The following RYR1 variants were observed in gnomAD, a reference collection of about 807,000 sequenced individuals.
The protein encoded by RYR1 is central core disease of muscle.
A neutral mutation model predicts 583.5 loss-of-function variants in RYR1; 342 were observed. That is an observed-to-expected ratio of 0.59 (90% CI 0.54 to 0.64). RYR1 has a LOEUF of 0.64. RYR1 is among the 30% of genes least tolerant of loss of function. The pLI is 0.00. For missense variants in RYR1, 6,032 were observed against 6,917.2 expected (o/e 0.87, Z 4.54); for synonymous variants, 2,791 against 2,822.5 (o/e 0.99, Z 0.35).
Position 38,534,785 on chromosome 19 carries a change from C to G in RYR1, c.11325C>G (p.Ala3775=). ...QQARLHTRGA[A]EMVLQMISAC... is the part of the protein sequence containing the mutation. The stretch of plus-strand genomic sequence containing the variant: ...CACGGCTGCACACCCGGGGGGCGGC[C>G]GAGATGGTGCTGCAGATGATCAGTG... The change falls in exon 79 of 106, where the codon GCC becomes GCG. Residue 3775 remains alanine (A), a synonymous_variant. Transcript: ENST00000359596. 6.2e-7 allele frequency: 1 copy of G among 1,613,652 alleles called. No individual in the cohort carries two copies. Among genetic ancestry groups the G allele is most frequent in the African/African-American group, 1.3e-5 (1 of 75,030 alleles).
Position 38,561,572 on chromosome 19 carries a change from C to A in RYR1, c.12624+118C>A. Reference sequence around the variant, plus strand: ...GCGTGCCTCGCATATCTGCCCTGCTCCGGCAAGCCCACGCCCACCCTTTTG... The same window carrying A: ...GCGTGCCTCGCATATCTGCCCTGCTACGGCAAGCCCACGCCCACCCTTTTG... On this transcript the variant is annotated intron_variant, in intron 90 of 105. Transcript: ENST00000359596. This position sits in a 1 kb window ranked among gnomAD's most constrained non-coding sequence, Gnocchi z 4.8. 2.0e-6 allele frequency: 2 copies of A among 993,294 alleles called. No homozygotes were observed. Among genetic ancestry groups the A allele is most frequent in the Non-Finnish European group, 3.0e-6 (2 of 677,930 alleles). The allele number at this position is 993,294 out of a possible 1,614,324, so 61.5% of individuals were successfully genotyped here. A position where few individuals can be genotyped will look rare whatever the true frequency, so the allele number is the denominator to read the frequency against.
chr19:38,546,615 C>A, intron 88 of RYR1, 89 bp downstream of exon 88: 1 of 1,014,662 alleles, frequency 9.9e-7, no homozygotes, highest in Non-Finnish European at 1.6e-6. Flanking sequence ...GACCCTAATC[C>A]TCAACCCCAT....
intron 25 of RYR1, 114 bp downstream of exon 25, chr19:38,467,926 T>C (rs1968196371): frequency 1.3e-5 from 12 of 896,244 alleles, no homozygotes; most frequent in Non-Finnish European, 1.8e-5. Flanking sequence ...ATGCATCTAC[T>C]GTACCACTCA....
intron 13 of RYR1, among the ~76,000 whole-genome samples, chr19:38,453,291 AGGAT>A (rs1018459302): frequency 6.6e-6 from 1 of 150,694 alleles, no homozygotes; most frequent in African/African-American, 2.4e-5. Context: ...CCTGGAGAGA[AGGAT>A]GGAATAAAAG....
At chr19:38,571,586 G>C (rs1245583214) in intron 94 of RYR1, among the ~76,000 whole-genome samples, 1 of 152,116 alleles carries the variant, frequency 6.6e-6, no homozygotes, top group Non-Finnish European at 1.5e-5. Context: ...GCAGTGAGCC[G>C]AGATTGCACC....
At chr19:38,502,322 TG>T (rs1361412606) in intron 47 of RYR1, among the ~76,000 whole-genome samples, 184 bp from the exon 48 acceptor site, 3 of 125,948 alleles carry the variant, frequency 2.4e-5, no homozygotes, top group Non-Finnish European at 5.0e-5. Flanking sequence ...TAGTAAGTGG[TG>T]GGGTGGGGGC....
intron 63 of RYR1, among the ~76,000 whole-genome samples, chr19:38,514,095 T>C (rs567022247): frequency 6.6e-6 from 1 of 152,028 alleles, no homozygotes; most frequent in Admixed American, 6.6e-5. Flanking sequence ...TTTTGCCTCA[T>C]GATGAGCTTC....
Position 38,548,334 on chromosome 19 carries a change from A to C in RYR1, c.12196A>C (p.Lys4066Gln). Residue 4066 changes from lysine (K) to glutamine (Q), a missense_variant, in exon 89 of 106, where the codon AAA (lysine) becomes CAA (glutamine). Transcript: ENST00000359596. ...CCTCAAGTTCTTCGACATGTTCCTG[A>C]AACTCAAGGACATTGTGGGCTCTGA... ...MILKFFDMFL[K>Q]LKDIVGSEAF... 1 of 1,614,198 alleles carries C rather than the reference A, an allele frequency of 6.2e-7. No homozygotes were observed. The highest frequency in any genetic ancestry group is 1.1e-5 in the South Asian group (1 of 91,082).
In RYR1 at chr19:38,587,307, T is replaced by C. The variant is rs1974540080; in HGVS notation, c.15022-18T>C. ...TTTGAAGATGTGACCAATGAACTCT[T>C]TCTATCCCCAATCCTAGGAGTCTTA... On this transcript the variant is annotated intron_variant, in intron 105 of 105. Transcript: ENST00000359596. 2 of 1,568,212 alleles carry C rather than the reference T, an allele frequency of 1.3e-6. No individual in the cohort carries two copies.
chr19:38,445,511 C>A (rs1472096956), intron 7 of RYR1, among the ~76,000 whole-genome samples: 1 of 152,026 alleles, frequency 6.6e-6, no homozygotes, highest in African/African-American at 2.4e-5. Flanking sequence ...TAAACCAGAC[C>A]CACGCTGGGA....
chr19:38,573,628 C>T (rs974277104), intron 96 of RYR1, among the ~76,000 whole-genome samples: 4 of 151,228 alleles, frequency 2.6e-5, no homozygotes, highest in Non-Finnish European at 5.9e-5. Flanking sequence ...TGCAGTGAGC[C>T]GAGATCGCAC....
Position 38,444,300 on chromosome 19 carries a change from G to T in RYR1, c.537+39G>T, listed in dbSNP as rs769944223. The T allele has an allele frequency of 6.7e-6, 10 of 1,490,182 alleles. No individual in the cohort carries two copies. The East Asian group carries it at 2.3e-4, about 34-fold the overall frequency. 92.3% of individuals were successfully genotyped at this position (1,490,182 alleles called of 1,614,324 possible). On this transcript the variant is annotated intron_variant, in intron 6 of 105. Coordinates refer to ENST00000359596, the MANE Select transcript of RYR1 (RefSeq NM_000540.3). This position sits in a 1 kb window ranked among gnomAD's most constrained non-coding sequence, Gnocchi z 5.1. ...GTTCCTCCTGCTCCCAGGTCTGGGG[G>T]CGCATGGGATGGTCCCCATCTTCTC... is the stretch of plus-strand genomic sequence containing the variant.
At chr19:38,556,680 G>A (rs193131717) in intron 89 of RYR1, among the ~76,000 whole-genome samples, 2 of 152,218 alleles carry the variant, frequency 1.3e-5, no homozygotes, top group Non-Finnish European at 2.9e-5. Flanking sequence ...AAGAGCCACT[G>A]TGCCTGGCCA....
intron 84 of RYR1, among the ~76,000 whole-genome samples, chr19:38,539,130 A>G (rs1307724599): frequency 1.3e-5 from 2 of 152,100 alleles, no homozygotes; most frequent in African/African-American, 4.8e-5. Context: ...TCTTTCAACA[A>G]AGGATAAAGT....
At chr19:38,523,339 G>A (rs1463095382) in intron 69 of RYR1, 30 bp downstream of exon 69, 6 of 1,613,584 alleles carry the variant, frequency 3.7e-6, no homozygotes, top group African/African-American at 2.7e-5. Context: ...AGGAGCACTT[G>A]GCAGAGAGGG....
chr19:38,531,779 G>T (rs1971749723), intron 76 of RYR1, among the ~76,000 whole-genome samples: 2 of 152,128 alleles, frequency 1.3e-5, no homozygotes, highest in African/African-American at 4.8e-5. Flanking sequence ...GTTGGTATGT[G>T]CCTGTAGTCC....
At chr19:38,582,292 G>A (rs1974250770) in intron 101 of RYR1, among the ~76,000 whole-genome samples, 1 of 152,046 alleles carries the variant, frequency 6.6e-6, no homozygotes, top group South Asian at 2.1e-4. Flanking sequence ...AGCTACTCGG[G>A]AGGCTGAGAC....
chr19:38,535,086 G>A (rs1971908293), intron 79 of RYR1, 55 bp from the exon 80 acceptor site: 1 of 1,566,520 alleles, frequency 6.4e-7, no homozygotes, highest in Admixed American at 1.7e-5. Context: ...TCTGGTGGGT[G>A]GAACACACTG....
intron 78 of RYR1, 101 bp downstream of exon 78, chr19:38,532,837 A>G: frequency 8.0e-7 from 1 of 1,243,800 alleles, no homozygotes; most frequent in Non-Finnish European, 1.2e-6. Flanking sequence ...AGCTCTGGGG[A>G]CACAGCAGTG....
Sources: allele counts gnomAD v4.1 joint callset (sites outside exome capture counted in the v4.1 genomes callset), GRCh38; gene constraint gnomAD v4.1.1; non-coding constraint Gnocchi (gnomAD v3.1); transcripts MANE v1.5; gene names NCBI Gene and HGNC (gene_info 2026-07-23, HGNC 2026-07-21).